The following TCF4 variants were observed in gnomAD, a reference collection of about 807,000 sequenced individuals.
The protein encoded by TCF4 is SL3-3 enhancer factor 2.
In TCF4, 3 loss-of-function variants were observed where a neutral mutation model predicts 82.1. The ratio of observed to expected loss-of-function variants is 0.04; its 90% CI spans 0.02 to 0.09. The LOEUF is 0.09. Among genes scored for constraint, TCF4 ranks in the 10% least tolerant of loss-of-function variants. TCF4 has a pLI of 1.00. For missense variants in TCF4, 518 were observed against 852.7 expected, an observed-to-expected ratio of 0.61 and a Z score of 4.89; for synonymous variants, 276 against 309.6, an observed-to-expected ratio of 0.89 and a Z score of 1.14.
chr18:55,407,537 T>C lies in TCF4; in HGVS notation c.305-4019A>G, dbSNP rs926878435. 7.9e-5 allele frequency among the ~76,000 whole-genome samples: 12 copies of C among 151,876 alleles called. 1 individual carries two copies. Among genetic ancestry groups the C allele is most frequent in the African/African-American group, 1.9e-4 (8 of 41,400 alleles). On this transcript the variant is annotated intron_variant, in intron 5 of 19. Transcript: ENST00000354452. ...CGAACCCGTCCGCTGCTAAAGCCTA[T>C]ATTTAAATTTGATTATTAAAAATGG...
At chr18:55,572,517 A>G (rs2147582588) in intron 3 of TCF4, among the ~76,000 whole-genome samples, 1 of 152,240 alleles carries the variant, frequency 6.6e-6, no homozygotes, top group South Asian at 2.1e-4. Context: ...TTTTGTTCCT[A>G]ATCAGGAGTT....
At chr18:55,586,989 G>T in intron 2 of TCF4, 56 bp downstream of exon 2, 1 of 1,473,892 alleles carries the variant, frequency 6.8e-7, no homozygotes, top group Non-Finnish European at 9.5e-7. Flanking sequence ...TGAAGTGTTT[G>T]GGTTTTTGTT....
chr18:55,382,445 C>A (rs1431785758), intron 6 of TCF4, among the ~76,000 whole-genome samples: 2 of 151,952 alleles, frequency 1.3e-5, no homozygotes, highest in African/African-American at 2.4e-5. Flanking sequence ...AAAAAAGTTG[C>A]CAATTGAATT....
At position 55,370,278 on chromosome 18, in the gene TCF4, C is replaced by T. The variant is rs1349043305; in HGVS notation, c.370-19275G>A. Among the ~76,000 whole-genome samples, 5 of 152,064 alleles carry T rather than the reference C, an allele frequency of 3.3e-5. No individual in the cohort carries two copies. In the East Asian group the frequency reaches 9.7e-4, roughly 29 times the overall value. On this transcript the variant is annotated intron_variant, in intron 6 of 19. Transcript: ENST00000354452. ...AAAATTAGCCAGGTATGGTGGTGCACACCTGTGGTCCCAGCTACTTAGGAG... is the reference window on the plus strand; with the variant it reads ...AAAATTAGCCAGGTATGGTGGTGCATACCTGTGGTCCCAGCTACTTAGGAG...
chr18:55,310,648 C>A (rs1350428496), intron 8 of TCF4, among the ~76,000 whole-genome samples: 1 of 152,140 alleles, frequency 6.6e-6, no homozygotes, highest in Non-Finnish European at 1.5e-5. Flanking sequence ...AAAGGAGTTG[C>A]ATTATTGGGA....
intron 5 of TCF4, among the ~76,000 whole-genome samples, chr18:55,414,138 G>T (rs1421321939): frequency 6.6e-6 from 1 of 152,178 alleles, no homozygotes; most frequent in Non-Finnish European, 1.5e-5. Context: ...GAGATTTCAT[G>T]CAAGATGACA....
intron 2 of TCF4, among the ~76,000 whole-genome samples, chr18:55,624,025 C>T (rs1056607361): frequency 6.6e-6 from 1 of 152,044 alleles, no homozygotes; most frequent in African/African-American, 2.4e-5. Context: ...TGAGATAATA[C>T]ATTTCTTATT....
chr18:55,365,023 T>C (rs1239351971), intron 6 of TCF4, among the ~76,000 whole-genome samples: 4 of 151,048 alleles, frequency 2.6e-5, no homozygotes, highest in South Asian at 2.1e-4. Flanking sequence ...TGTGGTGGCA[T>C]GCACCTGTAG....
chr18:55,340,028 C>T (rs2079506431), intron 8 of TCF4, among the ~76,000 whole-genome samples: 1 of 152,188 alleles, frequency 6.6e-6, no homozygotes, highest in South Asian at 2.1e-4. Flanking sequence ...TCTTGCCAGG[C>T]AAAGCTAATA....
exon 1 of TCF4, chr18:55,635,913 G>T: frequency 6.4e-7 from 1 of 1,572,834 alleles, no homozygotes; most frequent in African/African-American, 1.4e-5. Context: ...TGTTCCTTTG[G>T]CCGCATAAGT....
intron 8 of TCF4, among the ~76,000 whole-genome samples, chr18:55,348,126 T>C (rs1179625685): frequency 6.6e-6 from 1 of 152,204 alleles, no homozygotes; most frequent in African/African-American, 2.4e-5. Context: ...TTTTGTGTGG[T>C]GGTAAGCCAT....
At chr18:55,408,055 A>G (rs2094180638) in intron 5 of TCF4, among the ~76,000 whole-genome samples, 1 of 152,178 alleles carries the variant, frequency 6.6e-6, no homozygotes, top group Admixed American at 6.5e-5. Flanking sequence ...AATGATTTCT[A>G]GAGATAAGCT....
At chr18:55,406,841 A>T (rs2094116679) in intron 5 of TCF4, among the ~76,000 whole-genome samples, 1 of 152,236 alleles carries the variant, frequency 6.6e-6, no homozygotes, top group Non-Finnish European at 1.5e-5. Context: ...CGGCGCGTTC[A>T]CTGCGGAATT....
At position 55,248,960 on chromosome 18, in the gene TCF4, G is replaced by GCCTCGAACTCCTGA. The variant is rs2054171118; in HGVS notation, c.1350+5523_1350+5536dup. Among the ~76,000 whole-genome samples the GCCTCGAACTCCTGA allele has an allele frequency of 2.0e-5, 3 of 152,244 alleles. No individual in the cohort carries two copies. In the South Asian group the frequency reaches 6.2e-4, roughly 32 times the overall value. On this transcript the variant is annotated intron_variant, in intron 15 of 19. Transcript: ENST00000354452. The stretch of plus-strand genomic sequence containing the variant: ...GGGTTTCACCATGTTGGCCAGGCTG[G>GCCTCGAACTCCTGA]CCTCGAACTCCTGACCTCGAGTGAT...
At chr18:55,322,378 C>G (rs1437576067) in intron 8 of TCF4, 6 of 984,406 alleles carry the variant, frequency 6.1e-6, no homozygotes, top group Admixed American at 6.9e-5. Flanking sequence ...TTGTACGCAG[C>G]TGCCTGAGAA....
intron 5 of TCF4, among the ~76,000 whole-genome samples, chr18:55,455,966 A>G (rs1472993052): frequency 6.6e-6 from 1 of 152,172 alleles, no homozygotes; most frequent in Middle Eastern, 3.2e-3. Context: ...ATTAGCATGT[A>G]CTCACATTTG....
chr18:55,390,286 T>TA (rs56965997), intron 6 of TCF4, among the ~76,000 whole-genome samples: 21,968 of 81,914 alleles, frequency 0.27, 3,266 homozygotes, highest in East Asian at 0.41. Context: ...CCCTGACTCT[T>TA]AAAAAAAAAA....
At chr18:55,555,641 T>C (rs888068764) in intron 3 of TCF4, among the ~76,000 whole-genome samples, 2 of 152,160 alleles carry the variant, frequency 1.3e-5, no homozygotes, top group African/African-American at 4.8e-5. Context: ...ATAAAAACTG[T>C]TGTTATCCAA....
At chr18:55,237,813 T>C (rs1429556652) in intron 15 of TCF4, among the ~76,000 whole-genome samples, 1 of 152,224 alleles carries the variant, frequency 6.6e-6, no homozygotes, top group Non-Finnish European at 1.5e-5. Flanking sequence ...GCTTGTTTCC[T>C]TGGCCACAGA....
Sources: gnomAD v4.1 joint callset for allele counts (sites outside exome capture counted in the v4.1 genomes callset) on GRCh38, gnomAD v4.1.1 for gene constraint, MANE v1.5 for transcripts, NCBI Gene and HGNC (gene_info 2026-07-23, HGNC 2026-07-21) for gene names.